Variants in AOAH observed in about 807,000 individuals in gnomAD.
AOAH encodes acyloxyacyl hydrolase (neutrophil).
In AOAH, 64 loss-of-function variants were observed where a neutral mutation model predicts 92.2. The ratio of observed to expected loss-of-function variants is 0.69; its 90% CI spans 0.57 to 0.86. AOAH has a LOEUF of 0.86. Ranked by LOEUF, AOAH falls within the 40% of genes least tolerant of loss-of-function variation. AOAH has a pLI of 0.00. For missense variants in AOAH, 656 were observed against 694.6 expected (o/e 0.94, Z 0.62); for synonymous variants, 263 against 254.5 (o/e 1.03, Z -0.32).
chr7:36,544,532 C>G (rs10951484), intron 15 of AOAH, among the ~76,000 whole-genome samples: 148,798 of 152,190 alleles, frequency 0.98, 72,845 homozygotes, highest in East Asian at 1. Flanking sequence ...CACTCAGATG[C>G]ATAGGTGAGA....
At chr7:36,715,489 G>A (rs1210038548) in intron 1 of AOAH, among the ~76,000 whole-genome samples, 1 of 150,792 alleles carries the variant, frequency 6.6e-6, no homozygotes, top group Non-Finnish European at 1.5e-5. Context: ...AAGTTCATAT[G>A]GAACCAAAAA....
rs550760285 is a variant in AOAH, at chr7:36,571,762, C to A, written c.1021+4812G>T. Among the ~76,000 whole-genome samples the A allele has an allele frequency of 5.9e-5, 9 of 152,308 alleles. No homozygotes were observed. In the East Asian group the frequency reaches 1.7e-3, roughly 29 times the overall value. On this transcript the variant is annotated intron_variant, in intron 13 of 20. Coordinates refer to ENST00000617537, the MANE Select transcript of AOAH (RefSeq NM_001637.4). ...CTGCTGTCTCTTAGGATCTGGGTAT[C>A]CAACCCTAGAGCCCTTCTGCTGCCC... is the stretch of plus-strand genomic sequence containing the variant.
intron 4 of AOAH, among the ~76,000 whole-genome samples, chr7:36,644,341 T>C (rs1794100917): frequency 3.3e-5 from 5 of 152,124 alleles, no homozygotes; most frequent in Admixed American, 2.0e-4. Context: ...CTTTTTTTTT[T>C]TAAGTTTAAA....
Position 36,572,617 on chromosome 7 carries a change from C to T in AOAH, c.1021+3957G>A, listed in dbSNP as rs1449219222. Reference sequence around the variant, plus strand: ...TAATACAGTTGGTAGGTGGAATTAGCGACACTGTGTCAGTGGTACCCTGAT... The same window carrying T: ...TAATACAGTTGGTAGGTGGAATTAGTGACACTGTGTCAGTGGTACCCTGAT... On this transcript the variant is annotated intron_variant, in intron 13 of 20. Transcript: ENST00000617537. 5.3e-5 allele frequency among the ~76,000 whole-genome samples: 8 copies of T among 151,986 alleles called. No individual in the cohort carries two copies. In the East Asian group the frequency reaches 1.2e-3, roughly 22 times the overall value.
At position 36,599,289 on chromosome 7, in the gene AOAH, A is replaced by G. The variant is rs190433019; in HGVS notation, c.847-4859T>C. Among the ~76,000 whole-genome samples the G allele has an allele frequency of 2.6e-5, 4 of 152,320 alleles. No homozygotes were observed. In the East Asian group the frequency reaches 7.7e-4, roughly 29 times the overall value. On this transcript the variant is annotated intron_variant, in intron 11 of 20. Coordinates refer to ENST00000617537, the MANE Select transcript of AOAH (RefSeq NM_001637.4). Reference sequence around the variant, plus strand: ...TTTTAAGCCCTAATGTCAGCAAGCAATTGATGTTCTTAAAGCTTTGTTGTG... The same window carrying G: ...TTTTAAGCCCTAATGTCAGCAAGCAGTTGATGTTCTTAAAGCTTTGTTGTG...
intron 16 of AOAH, among the ~76,000 whole-genome samples, chr7:36,535,024 C>CTGTGTGTGTG (rs10669954): frequency 5.5e-5 from 8 of 144,906 alleles, no homozygotes; most frequent in Non-Finnish European, 1.1e-4. Context: ...GTGTCTGTGT[C>CTGTGTGTGTG]TGTGTGTGTG....
intron 3 of AOAH, among the ~76,000 whole-genome samples, chr7:36,673,046 G>A (rs911877702): frequency 6.6e-6 from 1 of 152,124 alleles, no homozygotes; most frequent in Non-Finnish European, 1.5e-5. Context: ...AGAATAAAGG[G>A]GAGGGACCAT....
At chr7:36,625,297 CTG>C in intron 6 of AOAH, among the ~76,000 whole-genome samples, 1 of 152,334 alleles carries the variant, frequency 6.6e-6, no homozygotes, top group East Asian at 1.9e-4. Flanking sequence ...AGTAAAGACT[CTG>C]GAGTCAGTTG....
At chr7:36,631,431 A>G (rs1793091591) in intron 6 of AOAH, among the ~76,000 whole-genome samples, 1 of 152,042 alleles carries the variant, frequency 6.6e-6, no homozygotes, top group East Asian at 1.9e-4. Context: ...CTCTCAAGAC[A>G]TGGCTTCACC....
At chr7:36,525,367 T>C (rs1200443509) in intron 19 of AOAH, among the ~76,000 whole-genome samples, 1 of 152,234 alleles carries the variant, frequency 6.6e-6, no homozygotes, top group East Asian at 1.9e-4. Context: ...GAGCCTGATA[T>C]TACAAAGGTG....
At chr7:36,634,657 G>A (rs80141299) in intron 5 of AOAH, among the ~76,000 whole-genome samples, 1 of 152,056 alleles carries the variant, frequency 6.6e-6, no homozygotes, top group Non-Finnish European at 1.5e-5. Context: ...ACAGCACTTC[G>A]GAAATACAGA....
chr7:36,708,220 C>T (rs1798552848), intron 1 of AOAH, among the ~76,000 whole-genome samples: 3 of 152,200 alleles, frequency 2.0e-5, no homozygotes, highest in South Asian at 2.1e-4. Flanking sequence ...TGAGGCTCTG[C>T]TCATTTTTCT....
chr7:36,540,350 C>T lies in AOAH; in HGVS notation c.1275G>A (p.Trp425Ter). 6.2e-7 allele frequency: 1 copy of T among 1,612,146 alleles called. No individual in the cohort carries two copies. Among genetic ancestry groups the T allele is most frequent in the Non-Finnish European group, 8.5e-7 (1 of 1,179,274 alleles). ...LYGLPDGTFLWDNLHNRYHPL... is the reference protein window; with the variant it reads ...LYGLPDGTFL ...GATGATATCTGTTGTGCAAATTATC[C>T]CAGAGAAAGGTTCCATCTGGTAAGC... is the stretch of plus-strand genomic sequence containing the variant. Residue 425 changes from tryptophan to a stop codon, truncating the protein, a stop_gained, in exon 16 of 21, where the codon TGG becomes TGA. Transcript: ENST00000617537. LOFTEE classifies it high-confidence loss of function.
At chr7:36,681,518 CT>C (rs1408929594) in intron 2 of AOAH, among the ~76,000 whole-genome samples, 1 of 152,070 alleles carries the variant, frequency 6.6e-6, no homozygotes, top group African/African-American at 2.4e-5. Flanking sequence ...TTTGAAATCT[CT>C]TTGAATCTCT....
At chr7:36,640,896 T>C (rs931474404) in intron 4 of AOAH, among the ~76,000 whole-genome samples, 2 of 152,138 alleles carry the variant, frequency 1.3e-5, no homozygotes, top group African/African-American at 2.4e-5. Flanking sequence ...AGGAAGCTCA[T>C]GGCCTTGAGT....
At chr7:36,639,491 G>A (rs1793751388) in intron 4 of AOAH, among the ~76,000 whole-genome samples, 1 of 152,140 alleles carries the variant, frequency 6.6e-6, no homozygotes, top group Non-Finnish European at 1.5e-5. Context: ...AGTAAACATG[G>A]AAATAAAAGC....
intron 7 of AOAH, among the ~76,000 whole-genome samples, chr7:36,622,532 A>G (rs765596351): frequency 2.0e-5 from 3 of 152,166 alleles, no homozygotes; most frequent in Non-Finnish European, 2.9e-5. Context: ...CACAGGGAAT[A>G]CCCTGACATT....
At chr7:36,641,138 C>T (rs1273943877) in intron 4 of AOAH, among the ~76,000 whole-genome samples, 3 of 152,160 alleles carry the variant, frequency 2.0e-5, no homozygotes, top group Non-Finnish European at 2.9e-5. Context: ...AAGCACCTCA[C>T]GTGATCACAA....
At chr7:36,531,303 A>G (rs1205394792) in intron 18 of AOAH, among the ~76,000 whole-genome samples, 2 of 152,174 alleles carry the variant, frequency 1.3e-5, no homozygotes, top group Non-Finnish European at 2.9e-5. Flanking sequence ...AAAAATTGAA[A>G]TATGCTTTTT....
Sources: allele counts gnomAD v4.1 joint callset (sites outside exome capture counted in the v4.1 genomes callset), GRCh38; gene constraint gnomAD v4.1.1; transcripts MANE v1.5; gene names NCBI Gene and HGNC (gene_info 2026-07-23, HGNC 2026-07-21).